The following NSMCE1 variants were observed in gnomAD, a reference collection of about 807,000 sequenced individuals.
NSMCE1 encodes NSE1 component of SMC5/6 complex, also known as non-structural maintenance of chromosomes element 1 homolog.
In NSMCE1, 18 loss-of-function variants were observed where a neutral mutation model predicts 29.6. That is an observed-to-expected ratio of 0.61 (90% CI 0.42 to 0.90). The LOEUF (loss-of-function observed/expected upper bound fraction) is 0.90, where lower values mean the gene tolerates loss of function less well. Among genes scored for constraint, NSMCE1 ranks in the 40% least tolerant of loss-of-function variants. The pLI, the probability that NSMCE1 is intolerant of heterozygous loss-of-function variation, is 0.00. For missense variants in NSMCE1, 314 were observed against 343.6 expected (o/e 0.91, Z 0.68); for synonymous variants, 124 against 133.4 (o/e 0.93, Z 0.49).
intron 2 of NSMCE1, among the ~76,000 whole-genome samples, chr16:27,249,847 T>G (rs1457126921): frequency 6.6e-6 from 1 of 152,252 alleles, no homozygotes; most frequent in Non-Finnish European, 1.5e-5. Context: ...TAGATCAATT[T>G]GGGGAGAATT....
At chr16:27,264,735 A>T (rs1270939754) in intron 1 of NSMCE1, among the ~76,000 whole-genome samples, 1 of 152,180 alleles carries the variant, frequency 6.6e-6, no homozygotes, top group Non-Finnish European at 1.5e-5. Context: ...TCTTTAAGAG[A>T]TATAAAAAGT....
At chr16:27,233,570 A>C (rs1425716121) in intron 4 of NSMCE1, among the ~76,000 whole-genome samples, 1 of 152,232 alleles carries the variant, frequency 6.6e-6, no homozygotes, top group Non-Finnish European at 1.5e-5. Context: ...GAATGATTCC[A>C]CCGCCTGGTT....
chr16:27,240,815 G>A (rs2083885867), intron 2 of NSMCE1, among the ~76,000 whole-genome samples: 1 of 152,210 alleles, frequency 6.6e-6, no homozygotes, highest in East Asian at 1.9e-4. Flanking sequence ...GCTTACACCT[G>A]TAATCACAGT....
intron 2 of NSMCE1, among the ~76,000 whole-genome samples, chr16:27,236,168 C>T (rs961313033): frequency 6.6e-6 from 1 of 152,062 alleles, no homozygotes; most frequent in Non-Finnish European, 1.5e-5. Context: ...AGAGAGGCTG[C>T]GGTGAGGACA....
At chr16:27,245,882 A>T (rs2083951243) in intron 2 of NSMCE1, among the ~76,000 whole-genome samples, 1 of 152,226 alleles carries the variant, frequency 6.6e-6, no homozygotes, top group South Asian at 2.1e-4. Flanking sequence ...AACAGAAGGA[A>T]AATGTACTTG....
chr16:27,231,530 G>A lies in NSMCE1; in HGVS notation c.483+1471C>T, dbSNP rs139155637. On this transcript the variant is annotated intron_variant, in intron 5 of 7. Transcript: ENST00000361439. ...CGCATGCTTGTGATTCCAGCTACTT[G>A]GGAGGCTGAGGCAGGAGAATCGCTT... 1.8e-3 allele frequency among the ~76,000 whole-genome samples: 278 copies of A among 152,222 alleles called. 1 individual carries two copies. The highest frequency in any genetic ancestry group is 6.5e-3 in the African/African-American group (269 of 41,536).
rs972476780 is a variant in NSMCE1, at chr16:27,252,395, TA to T, written c.136+5039del. Among the ~76,000 whole-genome samples, 7 of 152,340 alleles carry T rather than the reference TA, an allele frequency of 4.6e-5. No homozygotes were observed. In the East Asian group the frequency reaches 1.3e-3, roughly 29 times the overall value. On this transcript the variant is annotated intron_variant, in intron 2 of 7. Coordinates refer to ENST00000361439, the MANE Select transcript of NSMCE1 (RefSeq NM_145080.4). ...GGAATGGCCAGGCACGGTGGCTAAA[TA>T]AATATTTCAAATCATTTCTAATGGT...
At position 27,251,638 on chromosome 16, in the gene NSMCE1, T is replaced by C. The variant is rs78538629; in HGVS notation, c.136+5797A>G. On this transcript the variant is annotated intron_variant, in intron 2 of 7. Coordinates refer to ENST00000361439, the MANE Select transcript of NSMCE1 (RefSeq NM_145080.4). ...AATCATGCAGGTCTCATAGAATTAG[T>C]TGTAACATATTCTCTTCAATTTTAC... Among the ~76,000 whole-genome samples the C allele has an allele frequency of 2.8e-3, 429 of 152,292 alleles. 3 individuals carry two copies. The highest frequency in any genetic ancestry group is 9.9e-3 in the African/African-American group (412 of 41,558).
At chr16:27,241,708 T>G in intron 2 of NSMCE1, 6 of 257,174 alleles carry the variant, frequency 2.3e-5, no homozygotes, top group South Asian at 1.0e-4. Context: ...GGAAGGAGAG[T>G]GGCTGGTCTG....
intron 2 of NSMCE1, among the ~76,000 whole-genome samples, chr16:27,245,455 C>T (rs144249333): frequency 3.3e-5 from 5 of 152,322 alleles, no homozygotes; most frequent in Non-Finnish European, 5.9e-5. Flanking sequence ...GAGCGTGAAG[C>T]GCACAGAAAT....
intron 5 of NSMCE1, among the ~76,000 whole-genome samples, chr16:27,227,974 A>G (rs35966245): frequency 0.3 from 45,476 of 151,820 alleles, 7,220 homozygotes; most frequent in East Asian, 0.47. Context: ...TAGTAGAGAC[A>G]GGGTTTCACC....
chr16:27,268,672 T>C (rs2141015859), intron 1 of NSMCE1, 34 bp downstream of exon 1: 1 of 152,858 alleles, frequency 6.5e-6, no homozygotes, highest in Non-Finnish European at 1.5e-5. Context: ...CCCTCTTCTT[T>C]CCCCTCCAAC....
At chr16:27,265,343 A>AT (rs1369054526) in intron 1 of NSMCE1, among the ~76,000 whole-genome samples, 1 of 151,340 alleles carries the variant, frequency 6.6e-6, no homozygotes, top group African/African-American at 2.4e-5. Context: ...TAATTTCTGT[A>AT]TTTTTTGTAG....
chr16:27,226,586 G>A (rs923315935), intron 6 of NSMCE1, 134 bp downstream of exon 6: 34 of 623,494 alleles, frequency 5.5e-5, no homozygotes, highest in Middle Eastern at 8.5e-4. Context: ...GATGGCCTCC[G>A]CCAGCTCTTG....
In NSMCE1 at chr16:27,235,649, C is replaced by T. The variant is rs545281355; in HGVS notation, c.137-350G>A. On this transcript the variant is annotated intron_variant, in intron 2 of 7. Transcript: ENST00000361439. ...TACTCAATGATGTGCTCAGAGCCTG[C>T]GTGAGCTCCCGCCGCACAAACATCC... Among the ~76,000 whole-genome samples the T allele has an allele frequency of 1.4e-3, 212 of 152,330 alleles. 1 individual carries two copies. Among genetic ancestry groups the T allele is most frequent in the Admixed American group, 2.4e-3 (36 of 15,306 alleles).
intron 1 of NSMCE1, among the ~76,000 whole-genome samples, chr16:27,262,310 A>G (rs2084167935): frequency 6.6e-6 from 1 of 152,186 alleles, no homozygotes; most frequent in Non-Finnish European, 1.5e-5. Context: ...ATCCTAAGCA[A>G]AAAGAACAAA....
chr16:27,241,771 C>T (rs959657935), intron 2 of NSMCE1: 2 of 416,422 alleles, frequency 4.8e-6, no homozygotes, highest in South Asian at 3.4e-5. Context: ...CCAGCTCATT[C>T]ACTACACGCT....
Position 27,225,137 on chromosome 16 carries a change from C to G in NSMCE1, c.*20G>C. 2 of 1,516,824 alleles carry G rather than the reference C, an allele frequency of 1.3e-6. No homozygotes were observed. The highest frequency in any genetic ancestry group is 1.8e-6 in the Non-Finnish European group (2 of 1,100,690). The allele number at this position is 1,516,824 out of a possible 1,614,324, so 94.0% of individuals were successfully genotyped here. Reference sequence around the variant, plus strand: ...GATCAGGCCACTCAAGGCAGCCAGCCCCTCAGCAGGGCACGATGGCTAATG... The same window carrying G: ...GATCAGGCCACTCAAGGCAGCCAGCGCCTCAGCAGGGCACGATGGCTAATG... On this transcript the variant is annotated 3_prime_UTR_variant, in exon 8 of 8. Coordinates refer to ENST00000361439, the MANE Select transcript of NSMCE1 (RefSeq NM_145080.4).
At chr16:27,237,348 C>T (rs527813574) in intron 2 of NSMCE1, among the ~76,000 whole-genome samples, 2 of 152,224 alleles carry the variant, frequency 1.3e-5, no homozygotes, top group East Asian at 3.8e-4. Context: ...CCCTCCACTG[C>T]GGCAGCCACC....
Sources: allele counts gnomAD v4.1 joint callset (sites outside exome capture counted in the v4.1 genomes callset), GRCh38; gene constraint gnomAD v4.1.1; transcripts MANE v1.5; gene names NCBI Gene and HGNC (gene_info 2026-07-23, HGNC 2026-07-21).